GIPC1: variants seen among roughly 807,000 people sequenced by gnomAD.
GIPC1 encodes GIPC PDZ domain containing family member 1.
In GIPC1, 15 loss-of-function variants were observed where a neutral mutation model predicts 28.5. That is an observed-to-expected ratio of 0.53 (90% CI 0.35 to 0.81). The LOEUF is 0.81. Ranked by LOEUF, GIPC1 falls within the 30% of genes least tolerant of loss-of-function variation. GIPC1 has a pLI of 0.01. For missense variants in GIPC1, 439 were observed against 481.9 expected (o/e 0.91, Z 0.83); for synonymous variants, 224 against 206.1 (o/e 1.09, Z -0.74).
chr19:14,493,123 A>G (rs1237796204), intron 1 of GIPC1, among the ~76,000 whole-genome samples: 1 of 152,072 alleles, frequency 6.6e-6, no homozygotes, highest in Non-Finnish European at 1.5e-5. Flanking sequence ...TCCTCCATGA[A>G]GCCTCCCAGG....
rs751293016 is a variant in GIPC1 at position 14,490,437 on chromosome 19, G to A, written c.-31+1219C>T. Among the ~76,000 whole-genome samples the A allele has an allele frequency of 6.2e-4, 95 of 152,012 alleles. 1 individual carries two copies. Among genetic ancestry groups the A allele is most frequent in the Non-Finnish European group, 8.7e-4 (59 of 68,032 alleles). On this transcript the variant is annotated intron_variant, in intron 3 of 8. Transcript: ENST00000393033. The stretch of plus-strand genomic sequence containing the variant: ...TCACGCCTGTAATCCCAGCACTTTG[G>A]GAGGCAGAGGCAGGCGGATCACCTG...
Position 14,477,950 on chromosome 19 carries a change from G to C in GIPC1, c.*466C>G, listed in dbSNP as rs1030762629. On this transcript the variant is annotated 3_prime_UTR_variant, in exon 9 of 9. Transcript: ENST00000393033. ...GGAGGTAACAGGCTCCACAGGGAGG[G>C]GGCTCCTCTCAGGAGGGGTGAGGGC... The C allele has an allele frequency of 6.2e-6, 1 of 160,090 alleles. No homozygotes were observed. Among genetic ancestry groups the C allele is most frequent in the Non-Finnish European group, 1.4e-5 (1 of 72,362 alleles). 9.9% of individuals were successfully genotyped at this position (160,090 alleles called of 1,614,324 possible). A position where few individuals can be genotyped will look rare whatever the true frequency, so the allele number is the denominator to read the frequency against.
rs759957407 is a variant in GIPC1 at position 14,478,705 on chromosome 19, C to A, written c.829G>T (p.Gly277Cys). The A allele has an allele frequency of 1.9e-6, 3 of 1,613,726 alleles. No individual in the cohort carries two copies. In the Admixed American group the frequency reaches 5.0e-5, roughly 27 times the overall value. Reference protein sequence around the residue: ...KVDDLLESYMGIRDTELAATM... With the variant: ...KVDDLLESYMCIRDTELAATM... ...TCACCCAGCTCCGTGTCCCTGATAC[C>A]CATGTAACTCTCCAGCAGGTCATCC... is the stretch of plus-strand genomic sequence containing the variant. The change falls in exon 8 of 9, where the codon GGT becomes TGT. Residue 277 changes from glycine to cysteine, a missense_variant. Gly to Cys is a radical substitution (Grantham distance 159). Transcript: ENST00000393033. The surrounding 1 kb of genome is among the most constrained non-coding windows in gnomAD (Gnocchi z 5.2).
Position 14,479,486 on chromosome 19 carries a change from A to G in GIPC1, c.694T>C (p.Ser232Pro). The change falls in exon 7 of 9, where the codon TCT becomes CCT. Residue 232 changes from serine to proline, a missense_variant. Ser to Pro is a moderately conservative substitution (Grantham distance 74). Transcript: ENST00000393033. ...CGGCCAGTGCCCAGTTGTGGGCCAG[A>G]GCCAGGGCGGCCACCCGCTGAACGC... ...SQRSAGGRPGSGPQLGTGRGT... is the reference protein window; with the variant it reads ...SQRSAGGRPGPGPQLGTGRGT... The G allele has an allele frequency of 6.9e-7, 1 of 1,444,000 alleles. No individual in the cohort carries two copies. Among genetic ancestry groups the G allele is most frequent in the Admixed American group, 3.3e-5 (1 of 30,148 alleles). The allele number at this position is 1,444,000 out of a possible 1,614,324, so 89.4% of individuals were successfully genotyped here.
At chr19:14,483,187 G>A in intron 3 of GIPC1, 181 bp from the exon 4 acceptor site, 1 of 567,220 alleles carries the variant, frequency 1.8e-6, no homozygotes, top group Non-Finnish European at 3.1e-6. Flanking sequence ...TGGGTGCGGT[G>A]GCTCACGCCT....
intron 4 of GIPC1, among the ~76,000 whole-genome samples, chr19:14,481,485 G>C (rs1231140717): frequency 5.9e-5 from 9 of 152,062 alleles, no homozygotes; most frequent in Non-Finnish European, 1.3e-4. Context: ...CACTTTGGGA[G>C]GCCGAGGTGG....
At chr19:14,480,568 C>T (rs760966624) in intron 5 of GIPC1, 25 bp downstream of exon 5, 10 of 1,609,922 alleles carry the variant, frequency 6.2e-6, no homozygotes, top group Non-Finnish European at 8.5e-6. Flanking sequence ...CCCAGGCCTC[C>T]GGGGTGCCCC....
chr19:14,494,468 T>C (rs1193236382), intron 1 of GIPC1, among the ~76,000 whole-genome samples: 1 of 152,252 alleles, frequency 6.6e-6, no homozygotes, highest in East Asian at 1.9e-4. Flanking sequence ...TCATATTTTA[T>C]TCATAGCAGT....
rs1356114719 is a variant in GIPC1, at chr19:14,480,241, C to T, written c.655+64G>A. 1.2e-4 allele frequency: 174 copies of T among 1,447,264 alleles called. 1 individual carries two copies. Among genetic ancestry groups the T allele is most frequent in the South Asian group, 4.5e-4 (39 of 87,196 alleles). The allele number at this position is 1,447,264 out of a possible 1,614,324, so 89.7% of individuals were successfully genotyped here. ...TTGGGCGCCACCTGCTGGCCGCTCC[C>T]GGCACCACCGCCTGCGCCCATGCGA... On this transcript the variant is annotated intron_variant, in intron 6 of 8. Coordinates refer to ENST00000393033, the MANE Select transcript of GIPC1 (RefSeq NM_005716.4).
rs752260908 is a variant in GIPC1 at position 14,480,501 on chromosome 19, G to C, written c.475-16C>G. 6.2e-7 allele frequency: 1 copy of C among 1,607,320 alleles called. No homozygotes were observed. Among genetic ancestry groups the C allele is most frequent in the Non-Finnish European group, 8.5e-7 (1 of 1,175,414 alleles). ...CCTTGATGCGCTGCGGGGGCGGGGA[G>C]TCATCAGCCCTTGGGGCTCTGCCCT... On this transcript the variant is annotated splice_polypyrimidine_tract_variant and intron_variant, in intron 5 of 8. Coordinates refer to ENST00000393033, the MANE Select transcript of GIPC1 (RefSeq NM_005716.4).
intron 3 of GIPC1, among the ~76,000 whole-genome samples, chr19:14,488,413 T>G (rs759075242): frequency 6.6e-6 from 1 of 151,714 alleles, no homozygotes; most frequent in Non-Finnish European, 1.5e-5. Context: ...ATCACACCAC[T>G]GCACTCCAGC....
rs536803550 is a variant in GIPC1 at position 14,481,518 on chromosome 19, C to T, written c.289-740G>A. Among the ~76,000 whole-genome samples, 10 of 151,992 alleles carry T rather than the reference C, an allele frequency of 6.6e-5. No individual in the cohort carries two copies. In the South Asian group the frequency reaches 1.0e-3, roughly 16 times the overall value. ...TGGGCAGAACACGAGGTCAGGAGAT[C>T]GAGACCAACCTGGCCAACATGGTGA... On this transcript the variant is annotated intron_variant, in intron 4 of 8. Coordinates refer to ENST00000393033, the MANE Select transcript of GIPC1 (RefSeq NM_005716.4).
Position 14,491,712 on chromosome 19 carries a change from G to C in GIPC1, c.-87C>G, listed in dbSNP as rs201432194. On this transcript the variant is annotated 5_prime_UTR_variant, in exon 3 of 9. Transcript: ENST00000393033. The stretch of plus-strand genomic sequence containing the variant: ...CCCAGCTTCCACCCTCACCCCCTAC[G>C]ACTTCTTGTCCAGACAGCAGCCAGA... 6.6e-6 allele frequency: 1 copy of C among 152,308 alleles called. No individual in the cohort carries two copies. The highest frequency in any genetic ancestry group is 2.4e-5 in the African/African-American group (1 of 41,390). 9.4% of individuals were successfully genotyped at this position (152,308 alleles called of 1,614,324 possible).
chr19:14,479,549 G>C lies in GIPC1; in HGVS notation c.656-25C>G. The C allele has an allele frequency of 3.2e-6, 4 of 1,256,534 alleles. No individual in the cohort carries two copies. In the African/African-American group the frequency reaches 6.4e-5, roughly 20 times the overall value. 77.8% of individuals were successfully genotyped at this position (1,256,534 alleles called of 1,614,324 possible). A position where few individuals can be genotyped will look rare whatever the true frequency, so the allele number is the denominator to read the frequency against. On this transcript the variant is annotated intron_variant, in intron 6 of 8. Transcript: ENST00000393033. ...TCTGTGGGAGGCAGGAGAGGAGTGA[G>C]TGTGGGGGAAGCTTGGTTTTAGCAC...
chr19:14,490,723 C>T (rs887857404), intron 3 of GIPC1, among the ~76,000 whole-genome samples: 2 of 152,030 alleles, frequency 1.3e-5, no homozygotes, highest in Non-Finnish European at 2.9e-5. Flanking sequence ...CCTGTAATCC[C>T]AGCACTTTGG....
Position 14,478,367 on chromosome 19 carries a change from C to T in GIPC1, c.*49G>A, listed in dbSNP as rs1393607566. On this transcript the variant is annotated 3_prime_UTR_variant, in exon 9 of 9. Coordinates refer to ENST00000393033, the MANE Select transcript of GIPC1 (RefSeq NM_005716.4). This position sits in a 1 kb window ranked among gnomAD's most constrained non-coding sequence, Gnocchi z 5.2. The stretch of plus-strand genomic sequence containing the variant: ...CTGACGTCAGTGTCCCTGCTGGGGG[C>T]CCCCACCAGGTTGCGCCCGGGTCAT... 1.3e-6 allele frequency: 2 copies of T among 1,535,602 alleles called. No homozygotes were observed. The highest frequency in any genetic ancestry group is 1.4e-5 in the African/African-American group (1 of 73,340).
Position 14,478,155 on chromosome 19 carries a change from T to TC in GIPC1, c.*260dup, listed in dbSNP as rs1291387227. The TC allele has an allele frequency of 2.3e-6, 1 of 442,280 alleles. No homozygotes were observed. Among genetic ancestry groups the TC allele is most frequent in the Non-Finnish European group, 4.1e-6 (1 of 246,496 alleles). The allele number at this position is 442,280 out of a possible 1,614,324, so 27.4% of individuals were successfully genotyped here. ...GTGGCCGCCCAATTTGGCTGATCCC[T>TC]CCCCTCCCTGTGCCTGACCCAGCTG... On this transcript the variant is annotated 3_prime_UTR_variant, in exon 9 of 9. Coordinates refer to ENST00000393033, the MANE Select transcript of GIPC1 (RefSeq NM_005716.4). The surrounding 1 kb of genome is among the most constrained non-coding windows in gnomAD (Gnocchi z 5.2).
rs980224676 is a variant in GIPC1 at position 14,477,877 on chromosome 19, G to C, written c.*539C>G. 5 of 153,930 alleles carry C rather than the reference G, an allele frequency of 3.2e-5. No homozygotes were observed. The highest frequency in any genetic ancestry group is 1.2e-4 in the African/African-American group (5 of 41,422). The allele number at this position is 153,930 out of a possible 1,614,324, so 9.5% of individuals were successfully genotyped here. On this transcript the variant is annotated 3_prime_UTR_variant, in exon 9 of 9. Transcript: ENST00000393033. ...GGGATGGGCCTGGAAGGAGAGATGG[G>C]AGGTGGGGAGGAGGTTGCGGGGTTC...
rs940809201 is a variant in GIPC1, at chr19:14,480,198, C to A, written c.655+107G>T. 8 of 946,888 alleles carry A rather than the reference C, an allele frequency of 8.4e-6. No individual in the cohort carries two copies. In the African/African-American group the frequency reaches 1.1e-4, roughly 13 times the overall value. 58.7% of individuals were successfully genotyped at this position (946,888 alleles called of 1,614,324 possible). On this transcript the variant is annotated intron_variant, in intron 6 of 8. Coordinates refer to ENST00000393033, the MANE Select transcript of GIPC1 (RefSeq NM_005716.4). ...CCCCTTCCCTTTCTGCAACCCCTTC[C>A]CTTTCGGCAGGCCAGGCTTGGGCGC...
Sources: allele counts gnomAD v4.1 joint callset (sites outside exome capture counted in the v4.1 genomes callset), GRCh38; gene constraint gnomAD v4.1.1; non-coding constraint Gnocchi (gnomAD v3.1); transcripts MANE v1.5; gene names NCBI Gene and HGNC (gene_info 2026-07-23, HGNC 2026-07-21).